RABGEF1: variants seen among roughly 807,000 people sequenced by gnomAD.
RABGEF1 encodes the protein RAB guanine nucleotide exchange factor 1.
Under a neutral mutation model 57.3 loss-of-function variants are expected in RABGEF1, and 26 were observed. The ratio of observed to expected loss-of-function variants is 0.45; its 90% CI spans 0.33 to 0.63. RABGEF1 has a LOEUF of 0.63. RABGEF1 is among the 20% of genes least tolerant of loss of function. The pLI is 0.02. For missense variants in RABGEF1, 464 were observed against 607.6 expected (o/e 0.76, Z 2.48); for synonymous variants, 185 against 210.7 (o/e 0.88, Z 1.06).
chr7:66,803,804 G>A (rs1787824778), intron 7 of RABGEF1, among the ~76,000 whole-genome samples: 3 of 151,638 alleles, frequency 2.0e-5, no homozygotes, highest in Admixed American at 6.6e-5. Context: ...CAGGAGAATC[G>A]CTTGAACCCG....
chr7:66,760,109 C>G (rs188365959), intron 1 of RABGEF1, among the ~76,000 whole-genome samples: 1 of 152,086 alleles, frequency 6.6e-6, no homozygotes, highest in Non-Finnish European at 1.5e-5. Context: ...CAAGCAGGCC[C>G]GTCTGAGAAT....
chr7:66,665,754 T>TG, the RABGEF1 span, among the ~76,000 whole-genome samples: 1 of 152,080 alleles, frequency 6.6e-6, no homozygotes, highest in African/African-American at 2.4e-5. Flanking sequence ...TGTTGTAGCT[T>TG]GGGGGGTGGC....
chr7:66,793,786 T>C (rs1294462142), intron 4 of RABGEF1, among the ~76,000 whole-genome samples: 2 of 152,148 alleles, frequency 1.3e-5, no homozygotes, highest in African/African-American at 4.8e-5. Flanking sequence ...AGGTGACTGC[T>C]CCTGACCCCA....
rs150148487 is a variant in RABGEF1 at position 66,810,732 on chromosome 7, G to A, written c.*1448G>A. The stretch of plus-strand genomic sequence containing the variant: ...ATCGTGCATGAGGCCCCAGGGCACC[G>A]TTCTAGAACAACGTCACTTCACACA... On this transcript the variant is annotated 3_prime_UTR_variant, in exon 9 of 9. Coordinates refer to ENST00000284957, the MANE Select transcript of RABGEF1 (RefSeq NM_014504.3). 1.1e-4 allele frequency: 17 copies of A among 152,328 alleles called. No homozygotes were observed. In the East Asian group the frequency reaches 2.5e-3, roughly 22 times the overall value. 9.4% of individuals were successfully genotyped at this position (152,328 alleles called of 1,614,324 possible).
the RABGEF1 span, among the ~76,000 whole-genome samples, chr7:66,664,658 C>T: frequency 1.4e-4 from 22 of 152,122 alleles, no homozygotes; most frequent in Admixed American, 8.5e-4. Flanking sequence ...CTGCAGCCCC[C>T]GCCTCCCCCT....
chr7:66,805,815 G>C (rs1203924834), intron 8 of RABGEF1, among the ~76,000 whole-genome samples: 1 of 152,082 alleles, frequency 6.6e-6, no homozygotes, highest in Non-Finnish European at 1.5e-5. Context: ...TACAATCATA[G>C]CTCACTGCAG....
intron 1 of RABGEF1, among the ~76,000 whole-genome samples, chr7:66,760,037 T>C (rs575764473): frequency 2.0e-5 from 3 of 152,300 alleles, no homozygotes; most frequent in Admixed American, 6.5e-5. Context: ...ATATAGAGCA[T>C]AGGGCTAGTA....
intron 1 of RABGEF1, among the ~76,000 whole-genome samples, chr7:66,765,939 CATACTT>C (rs1428055836): frequency 2.6e-5 from 4 of 152,256 alleles, no homozygotes; most frequent in Admixed American, 1.3e-4. Context: ...GTAGTACTAT[CATACTT>C]ATAGTACAAA....
chr7:66,808,744 C>A, intron 8 of RABGEF1, 142 bp from the exon 9 acceptor site: 1 of 931,126 alleles, frequency 1.1e-6, no homozygotes, highest in African/African-American at 1.7e-5. Flanking sequence ...ATTTTTGAGG[C>A]TGAAATACAC....
At chr7:66,727,295 C>T (rs1485584766) in intron 2 of RABGEF1, among the ~76,000 whole-genome samples, 7 of 152,162 alleles carry the variant, frequency 4.6e-5, no homozygotes, top group Admixed American at 6.5e-5. Flanking sequence ...GGTTCTTGTC[C>T]GTGGGACAGG....
intron 2 of RABGEF1, among the ~76,000 whole-genome samples, chr7:66,713,159 T>C (rs924744358): frequency 6.7e-6 from 1 of 149,916 alleles, no homozygotes; most frequent in Admixed American, 6.6e-5. Flanking sequence ...TTTTTTTTTT[T>C]GAGACGTAGT....
intron 3 of RABGEF1, among the ~76,000 whole-genome samples, chr7:66,782,612 T>C (rs1810220706): frequency 1.3e-5 from 2 of 151,762 alleles, no homozygotes; most frequent in South Asian, 4.2e-4. Flanking sequence ...GCTGGCACTA[T>C]AGGTATGCAC....
At chr7:66,730,335 G>A (rs1797160579) in intron 2 of RABGEF1, among the ~76,000 whole-genome samples, 1 of 150,674 alleles carries the variant, frequency 6.6e-6, no homozygotes, top group African/African-American at 2.5e-5. Flanking sequence ...CTATCGACAG[G>A]GGATAAACAA....
intron 3 of RABGEF1, among the ~76,000 whole-genome samples, chr7:66,781,082 G>T (rs1405911081): frequency 2.0e-5 from 3 of 152,002 alleles, no homozygotes; most frequent in African/African-American, 7.2e-5. Flanking sequence ...CTTGCTGTTT[G>T]TATTTATCCC....
At position 66,731,208 on chromosome 7, in the gene RABGEF1, A is replaced by G. The variant is rs540955069; in HGVS notation, c.-814-8788A>G. 3.9e-5 allele frequency among the ~76,000 whole-genome samples: 6 copies of G among 152,290 alleles called. No homozygotes were observed. In the East Asian group the frequency reaches 1.2e-3, roughly 29 times the overall value. Reference sequence around the variant, plus strand: ...AGAGAGTAACTCCAGGCCTGGCAACAGGACTTGGCAGAATGTCCTTGAGGA... The same window carrying G: ...AGAGAGTAACTCCAGGCCTGGCAACGGGACTTGGCAGAATGTCCTTGAGGA... On this transcript the variant is annotated intron_variant and NMD_transcript_variant, in intron 2 of 9. Coordinates refer to the RABGEF1 transcript ENST00000607882.
intron 5 of RABGEF1, chr7:66,796,839 C>T (rs1786054303): frequency 2.4e-6 from 1 of 411,070 alleles, no homozygotes; most frequent in South Asian, 1.7e-5. Flanking sequence ...GATCCACCTG[C>T]CTCAGCCTCC....
intron 2 of RABGEF1, chr7:66,773,662 TTTTG>T (rs750234062): frequency 3.1e-5 from 14 of 453,530 alleles, no homozygotes; most frequent in East Asian, 7.0e-5. Flanking sequence ...TGCTTGTGCT[TTTTG>T]TTTGTTTGTT....
At chr7:66,726,115 G>A (rs2117578406) in intron 2 of RABGEF1, among the ~76,000 whole-genome samples, 1 of 152,348 alleles carries the variant, frequency 6.6e-6, no homozygotes, top group East Asian at 1.9e-4. Context: ...AGGGCCAGAA[G>A]GGATGCCAGG....
the RABGEF1 span, among the ~76,000 whole-genome samples, chr7:66,659,345 G>A: frequency 2.0e-5 from 3 of 152,134 alleles, no homozygotes; most frequent in African/African-American, 7.2e-5. Context: ...CCAGCTGCTT[G>A]GGAGGCTGTG....
Sources: allele counts gnomAD v4.1 joint callset (sites outside exome capture counted in the v4.1 genomes callset), GRCh38; gene constraint gnomAD v4.1.1; transcripts MANE v1.5; gene names NCBI Gene and HGNC (gene_info 2026-07-23, HGNC 2026-07-21).